REPS1: variants seen among roughly 807,000 people sequenced by gnomAD.
The protein encoded by REPS1 is RALBP1 associated Eps domain containing 1.
Under a neutral mutation model 100.9 loss-of-function variants are expected in REPS1, and 39 were observed. The ratio of observed to expected loss-of-function variants is 0.39; its 90% CI spans 0.30 to 0.50. The LOEUF is 0.50. REPS1 is among the 20% of genes least tolerant of loss of function. The pLI is 0.86. For synonymous variants in REPS1, 324 were observed against 340.3 expected (o/e 0.95, Z 0.53); for missense variants, 821 against 968.5 (o/e 0.85, Z 2.02).
At chr6:138,964,747 A>G (rs1280804602) in intron 1 of REPS1, among the ~76,000 whole-genome samples, 2 of 152,062 alleles carry the variant, frequency 1.3e-5, no homozygotes, top group African/African-American at 4.8e-5. Context: ...AAAAAACCCT[A>G]GAAATGTCTT....
intron 17 of REPS1, 56 bp from the exon 18 acceptor site, chr6:138,908,872 C>T (rs539968146): frequency 1.9e-4 from 278 of 1,493,138 alleles, no homozygotes; most frequent in Admixed American, 2.8e-4. Flanking sequence ...TCATAGTTAG[C>T]ACTTTGCAAC....
At chr6:138,979,107 G>C (rs1047997717) in intron 1 of REPS1, among the ~76,000 whole-genome samples, 1 of 149,216 alleles carries the variant, frequency 6.7e-6, no homozygotes, top group Non-Finnish European at 1.5e-5. Flanking sequence ...CTTCAACCCG[G>C]GAGGCGGAGG....
At chr6:138,912,605 C>T in intron 16 of REPS1, 160 bp downstream of exon 16, 1 of 701,286 alleles carries the variant, frequency 1.4e-6, no homozygotes, top group East Asian at 2.7e-5. Flanking sequence ...AAGCATTACA[C>T]TGCAACCAGC....
intron 9 of REPS1, chr6:138,929,322 T>C (rs112990294): frequency 6.6e-6 from 1 of 152,170 alleles, no homozygotes; most frequent in East Asian, 1.9e-4. Flanking sequence ...CTTATTCTGA[T>C]CAGTGGCCCT....
chr6:138,955,007 C>A (rs1056865829), intron 1 of REPS1, among the ~76,000 whole-genome samples: 5 of 152,128 alleles, frequency 3.3e-5, no homozygotes, highest in African/African-American at 9.7e-5. Flanking sequence ...ATGGATGCAC[C>A]TATCACAAAT....
At chr6:138,928,964 A>G (rs952499700) in intron 9 of REPS1, 3 of 152,202 alleles carry the variant, frequency 2.0e-5, no homozygotes, top group African/African-American at 4.8e-5. Flanking sequence ...CAATTATGTC[A>G]TAAAGCAGGA....
intron 1 of REPS1, among the ~76,000 whole-genome samples, chr6:138,967,469 C>T (rs1327324337): frequency 1.3e-5 from 2 of 152,170 alleles, no homozygotes; most frequent in Admixed American, 6.5e-5. Context: ...CAGTATCACA[C>T]ACAAAAGTTG....
At chr6:138,961,381 C>T (rs1177055160) in intron 1 of REPS1, among the ~76,000 whole-genome samples, 5 of 152,102 alleles carry the variant, frequency 3.3e-5, no homozygotes, top group South Asian at 4.1e-4. Flanking sequence ...GGATTACAGA[C>T]GCCCGCCACC....
chr6:138,912,816 A>G lies in REPS1; in HGVS notation c.1920T>C (p.Asn640=). The change falls in exon 16 of 20, where the codon AAT becomes AAC. Residue 640 remains asparagine (N), a synonymous_variant. Transcript: ENST00000450536. ...CTTCATCATCTTGTTCGTCGTTTAC[A>G]TTTGATGCAGCAAATACTTCAAACT... ...FSQFEVFAAS[N]VNDEQDDEAE... The G allele has an allele frequency of 1.2e-6, 2 of 1,614,154 alleles. No individual in the cohort carries two copies. Among genetic ancestry groups the G allele is most frequent in the Non-Finnish European group, 1.7e-6 (2 of 1,180,030 alleles).
At chr6:138,953,257 G>A (rs1366472278) in intron 1 of REPS1, among the ~76,000 whole-genome samples, 1 of 152,052 alleles carries the variant, frequency 6.6e-6, no homozygotes, top group East Asian at 1.9e-4. Flanking sequence ...AAAACAGACA[G>A]GAAATGCTTC....
chr6:138,962,429 A>G (rs1198914647), intron 1 of REPS1, among the ~76,000 whole-genome samples: 2 of 151,928 alleles, frequency 1.3e-5, no homozygotes, highest in African/African-American at 4.8e-5. Context: ...AAAATATAAT[A>G]GCTTTATATA....
In REPS1 at chr6:138,946,739, C is replaced by T. The variant is rs181267336; in HGVS notation, c.278-1042G>A. ...GATTATTTTTAAAATCTTAATTTTT[C>T]TCTTTCCCCTTTACTCTATGAAAAT... On this transcript the variant is annotated intron_variant, in intron 2 of 19. Transcript: ENST00000450536. Among the ~76,000 whole-genome samples, 1,414 of 152,234 alleles carry T rather than the reference C, an allele frequency of 9.3e-3. 25 individuals carry two copies. Among genetic ancestry groups the T allele is most frequent in the African/African-American group, 0.032 (1,349 of 41,546 alleles).
chr6:138,926,922 AAAGC>A (rs1362512021), intron 9 of REPS1: 1 of 157,422 alleles, frequency 6.4e-6, no homozygotes, highest in Non-Finnish European at 1.4e-5. Flanking sequence ...TGTTCAAAAC[AAAGC>A]AAGTCAGTGC....
At position 138,904,964 on chromosome 6, in the gene REPS1, A is replaced by C; in HGVS notation, c.*100T>G. 1.2e-6 allele frequency: 1 copy of C among 832,442 alleles called. No individual in the cohort carries two copies. The highest frequency in any genetic ancestry group is 2.0e-6 in the Non-Finnish European group (1 of 497,952). 51.6% of individuals were successfully genotyped at this position (832,442 alleles called of 1,614,324 possible). On this transcript the variant is annotated 3_prime_UTR_variant, in exon 20 of 20. Transcript: ENST00000450536. ...GGGCAAAACAGAATCATAAAATTTA[A>C]TGTTGAGTTAAGCAGTGAGCTGAAT...
chr6:138,912,911 C>A lies in REPS1; in HGVS notation c.1825G>T (p.Gly609Cys), dbSNP rs1305830338. 6.2e-7 allele frequency: 1 copy of A among 1,614,060 alleles called. No homozygotes were observed. ...GAGGTACTAGTGTGAGTTATGAGGC[C>A]ATCGGCATCCACTGGGCGATGCACA... is the stretch of plus-strand genomic sequence containing the variant. ...PAVHRPVDAD[G>C]LITHTSTSPQ... is the part of the protein sequence containing the mutation. The change falls in exon 16 of 20, where the codon GGC becomes TGC. Residue 609 changes from glycine to cysteine, a missense_variant. Transcript: ENST00000450536.
In REPS1 at chr6:138,945,496, A is replaced by C; in HGVS notation, c.474+5T>G. ...AACTGCTAATATTTACATGCATGTG[A>C]TTACCTGTGCATCTGCAGATGTACG... On this transcript the variant is annotated splice_donor_5th_base_variant and intron_variant, in intron 3 of 19. Transcript: ENST00000450536. 1 of 1,596,034 alleles carries C rather than the reference A, an allele frequency of 6.3e-7. No individual in the cohort carries two copies. Among genetic ancestry groups the C allele is most frequent in the Non-Finnish European group, 8.5e-7 (1 of 1,171,678 alleles).
intron 1 of REPS1, among the ~76,000 whole-genome samples, chr6:138,971,825 T>C (rs1784361362): frequency 6.6e-6 from 1 of 152,204 alleles, no homozygotes; most frequent in East Asian, 1.9e-4. Flanking sequence ...CCCCCACTTT[T>C]CACTTCCCTG....
chr6:138,928,010 C>T (rs1415560081), intron 9 of REPS1: 1 of 152,144 alleles, frequency 6.6e-6, no homozygotes, highest in Non-Finnish European at 1.5e-5. Context: ...CTTTGTTTCA[C>T]AAGACTGCAT....
chr6:138,981,067 C>G (rs979156913), intron 1 of REPS1, among the ~76,000 whole-genome samples: 1 of 152,164 alleles, frequency 6.6e-6, no homozygotes. Context: ...GAGCTTGACT[C>G]AATTAGGGGA....
Sources: allele counts gnomAD v4.1 joint callset (sites outside exome capture counted in the v4.1 genomes callset), GRCh38; gene constraint gnomAD v4.1.1; transcripts MANE v1.5; gene names NCBI Gene and HGNC (gene_info 2026-07-23, HGNC 2026-07-21).